Variants in TNFSF4 observed in about 807,000 individuals in gnomAD.
TNFSF4 encodes the protein tumor necrosis factor ligand superfamily member 4.
A neutral mutation model predicts 7.3 loss-of-function variants in TNFSF4; 4 were observed. That is an observed-to-expected ratio of 0.55 (90% confidence interval 0.27 to 1.25). The LOEUF (loss-of-function observed/expected upper bound fraction) is 1.25, where lower values mean the gene tolerates loss of function less well. Ranked by LOEUF, TNFSF4 falls within the 50% of genes most tolerant of loss-of-function variation. TNFSF4 has a pLI of 0.12. For synonymous variants in TNFSF4, 76 were observed against 83.7 expected (o/e 0.91, Z 0.50); for missense variants, 181 against 208.8 (o/e 0.87, Z 0.82).
intron 1 of TNFSF4, among the ~76,000 whole-genome samples, chr1:173,204,144 C>T (rs1650072582): frequency 6.6e-6 from 1 of 152,168 alleles, no homozygotes; most frequent in Non-Finnish European, 1.5e-5. Context: ...TCTTAGGAGC[C>T]AGGAAATCCA....
chr1:173,297,173 G>C, the TNFSF4 span, among the ~76,000 whole-genome samples: 11 of 151,900 alleles, frequency 7.2e-5, no homozygotes, highest in South Asian at 2.1e-4. Flanking sequence ...GAGAAAGGTA[G>C]CCAGCCTATC....
chr1:173,305,919 A>G, the TNFSF4 span, among the ~76,000 whole-genome samples: 18 of 152,008 alleles, frequency 1.2e-4, no homozygotes, highest in East Asian at 3.5e-3. Context: ...TGGGAAATAC[A>G]ATTCAAGATT....
the TNFSF4 span, among the ~76,000 whole-genome samples, chr1:173,378,513 C>T: frequency 6.6e-6 from 1 of 152,126 alleles, no homozygotes; most frequent in African/African-American, 2.4e-5. Flanking sequence ...ACTCACAAAC[C>T]CTGAAAAAGA....
At chr1:173,438,445 G>T in the TNFSF4 span, among the ~76,000 whole-genome samples, 1 of 152,078 alleles carries the variant, frequency 6.6e-6, no homozygotes, top group African/African-American at 2.4e-5. Flanking sequence ...TCTCACTGTA[G>T]ATTTAAAGTG....
At chr1:173,297,818 A>G in the TNFSF4 span, among the ~76,000 whole-genome samples, 1 of 151,964 alleles carries the variant, frequency 6.6e-6, no homozygotes, top group East Asian at 1.9e-4. Context: ...GGTAGAAGGG[A>G]AAGCTGGTCT....
At chr1:173,350,102 A>G in the TNFSF4 span, among the ~76,000 whole-genome samples, 2 of 148,328 alleles carry the variant, frequency 1.3e-5, no homozygotes, top group African/African-American at 5.0e-5. Context: ...ACTATAAATC[A>G]TGTAGCTCCT....
chr1:173,347,223 A>G, the TNFSF4 span, among the ~76,000 whole-genome samples: 1 of 152,212 alleles, frequency 6.6e-6, no homozygotes, highest in Non-Finnish European at 1.5e-5. Context: ...TCCTTGAGGA[A>G]AAGATCCTTG....
the TNFSF4 span, among the ~76,000 whole-genome samples, chr1:173,411,615 C>T: frequency 2.0e-5 from 3 of 151,740 alleles, no homozygotes; most frequent in Admixed American, 2.0e-4. Flanking sequence ...GCCTGGCCAA[C>T]ATGGCAAAAC....
At chr1:173,237,347 G>T in the TNFSF4 span, among the ~76,000 whole-genome samples, 1 of 152,104 alleles carries the variant, frequency 6.6e-6, no homozygotes, top group Non-Finnish European at 1.5e-5. Context: ...ATGAAGAAAA[G>T]GCTTTTGATA....
chr1:173,429,169 T>A, the TNFSF4 span, among the ~76,000 whole-genome samples: 3 of 152,202 alleles, frequency 2.0e-5, no homozygotes, highest in Non-Finnish European at 2.9e-5. Context: ...TCTCTACTTG[T>A]ATGTATCTTT....
At chr1:173,351,939 G>T in the TNFSF4 span, 1 of 532,686 alleles carries the variant, frequency 1.9e-6, no homozygotes, top group Non-Finnish European at 3.4e-6. Context: ...TGAACAGAAA[G>T]CCAAATCTCA....
the TNFSF4 span, among the ~76,000 whole-genome samples, chr1:173,272,220 G>A: frequency 6.6e-6 from 1 of 152,068 alleles, no homozygotes; most frequent in Non-Finnish European, 1.5e-5. Flanking sequence ...GGTGCAGAGA[G>A]CATTAGGAGA....
chr1:173,403,817 A>G, the TNFSF4 span, among the ~76,000 whole-genome samples: 102,743 of 151,212 alleles, frequency 0.68, 34,871 homozygotes, highest in African/African-American at 0.72. Context: ...CAAGAGAATC[A>G]CTTGAACCCG....
the TNFSF4 span, among the ~76,000 whole-genome samples, chr1:173,300,760 T>G: frequency 6.6e-6 from 1 of 151,878 alleles, no homozygotes; most frequent in South Asian, 2.1e-4. Context: ...GATTAATTTC[T>G]AAAACATTTT....
At chr1:173,262,860 A>T in the TNFSF4 span, among the ~76,000 whole-genome samples, 6 of 152,154 alleles carry the variant, frequency 3.9e-5, no homozygotes, top group Non-Finnish European at 8.8e-5. Context: ...TCGGCCTCCT[A>T]AAGTGCTGGG....
chr1:173,226,593 C>T, the TNFSF4 span, among the ~76,000 whole-genome samples: 1 of 152,170 alleles, frequency 6.6e-6, no homozygotes, highest in African/African-American at 2.4e-5. Flanking sequence ...AGCACCTTAG[C>T]TTTTCCCATA....
chr1:173,200,846 A>G (rs1039709342), intron 1 of TNFSF4, among the ~76,000 whole-genome samples: 4 of 152,224 alleles, frequency 2.6e-5, no homozygotes, highest in African/African-American at 9.7e-5. Context: ...AGATCTTATT[A>G]AATTAGTATA....
At chr1:173,362,826 A>C in the TNFSF4 span, 3 of 436,160 alleles carry the variant, frequency 6.9e-6, no homozygotes, top group Non-Finnish European at 1.3e-5. Flanking sequence ...GATGCAATGC[A>C]AGACAAGCTG....
chr1:173,324,737 G>T, the TNFSF4 span, among the ~76,000 whole-genome samples: 82,692 of 151,812 alleles, frequency 0.54, 24,105 homozygotes, highest in African/African-American at 0.75. Context: ...AAACAGACTT[G>T]AAACCAACAA....
Sources: allele counts gnomAD v4.1 joint callset (sites outside exome capture counted in the v4.1 genomes callset), GRCh38; gene constraint gnomAD v4.1.1; transcripts MANE v1.5; gene names NCBI Gene and HGNC (gene_info 2026-07-23, HGNC 2026-07-21).